The following YES1 variants were observed in gnomAD, a reference collection of about 807,000 sequenced individuals.
YES1 encodes YES proto-oncogene 1, Src family tyrosine kinase.
YES1 carries 39 observed loss-of-function variants against 70.4 expected under a neutral mutation model. That is an observed-to-expected ratio of 0.55 (90% CI 0.43 to 0.72). YES1 has a LOEUF of 0.72. Ranked by LOEUF, YES1 falls within the 30% of genes least tolerant of loss-of-function variation. The pLI is 0.00. For missense variants in YES1, 495 were observed against 644.8 expected, an observed-to-expected ratio of 0.77 and a Z score of 2.52; for synonymous variants, 198 against 218.6, an observed-to-expected ratio of 0.91 and a Z score of 0.83.
intron 1 of YES1, among the ~76,000 whole-genome samples, chr18:772,832 T>G (rs555625333): frequency 7.9e-5 from 12 of 152,372 alleles, no homozygotes; most frequent in African/African-American, 2.9e-4. Flanking sequence ...CTCATAATTT[T>G]TATTCATTTG....
At chr18:744,908 C>T (rs1413878306) in intron 6 of YES1, among the ~76,000 whole-genome samples, 1 of 151,966 alleles carries the variant, frequency 6.6e-6, no homozygotes, top group Non-Finnish European at 1.5e-5. Flanking sequence ...TCTGCTTATA[C>T]AATCTTTCTT....
chr18:749,085 T>TGGGAGG (rs1000394720), intron 3 of YES1, among the ~76,000 whole-genome samples: 6 of 152,084 alleles, frequency 3.9e-5, no homozygotes, highest in African/African-American at 1.4e-4. Context: ...CGCTTGAACC[T>TGGGAGG]GGGAGGTGGA....
intron 1 of YES1, among the ~76,000 whole-genome samples, chr18:792,904 A>G (rs1475866542): frequency 6.6e-6 from 1 of 152,142 alleles, no homozygotes; most frequent in African/African-American, 2.4e-5. Flanking sequence ...CTACTTTTTA[A>G]TAACTCTCAT....
At chr18:765,036 T>C (rs1188726631) in intron 1 of YES1, among the ~76,000 whole-genome samples, 1 of 151,518 alleles carries the variant, frequency 6.6e-6, no homozygotes, top group Admixed American at 6.6e-5. Flanking sequence ...GCCCGGCTTA[T>C]CTGAATCTTT....
chr18:812,445 C>T (rs1907462409), upstream of YES1: 1 of 152,166 alleles, frequency 6.6e-6, no homozygotes, highest in Non-Finnish European at 1.5e-5. Flanking sequence ...CCGGGGCCCC[C>T]AGCCTTCCGG....
rs967511295 is a variant in YES1 at position 723,057 on chromosome 18, A to G, written c.*1367T>C. On this transcript the variant is annotated 3_prime_UTR_variant, in exon 12 of 12. Transcript: ENST00000314574. Reference sequence around the variant, plus strand: ...CAGTGAGCCGAGATCGCGCCACTGCACTCCAGCCTGGGCGACAGAGCGAGA... The same window carrying G: ...CAGTGAGCCGAGATCGCGCCACTGCGCTCCAGCCTGGGCGACAGAGCGAGA... The G allele has an allele frequency of 6.6e-5, 10 of 152,182 alleles. No homozygotes were observed. The highest frequency in any genetic ancestry group is 2.2e-4 in the African/African-American group (9 of 41,458). The allele number at this position is 152,182 out of a possible 1,614,324, so 9.4% of individuals were successfully genotyped here. A position where few individuals can be genotyped will look rare whatever the true frequency, so the allele number is the denominator to read the frequency against.
intron 1 of YES1, among the ~76,000 whole-genome samples, chr18:803,689 T>C (rs1906940104): frequency 6.6e-6 from 1 of 152,120 alleles, no homozygotes; most frequent in Non-Finnish European, 1.5e-5. Flanking sequence ...AAAACAGTGA[T>C]TTTTAAATAG....
rs142393410 is a variant in YES1, at chr18:741,306, C to T, written c.1061-1495G>A. Among the ~76,000 whole-genome samples, 301 of 151,042 alleles carry T rather than the reference C, an allele frequency of 2.0e-3. 3 individuals are homozygous for T. The highest frequency in any genetic ancestry group is 5.3e-3 in the Admixed American group (81 of 15,144). ...CACCCCAGATGGGAGTGCAGTGGCA[C>T]AATCACAGCTCACTATGGCCTTAAC... On this transcript the variant is annotated intron_variant, in intron 8 of 11. Coordinates refer to ENST00000314574, the MANE Select transcript of YES1 (RefSeq NM_005433.4).
At chr18:802,621 A>G (rs1357359903) in intron 1 of YES1, among the ~76,000 whole-genome samples, 2 of 152,166 alleles carry the variant, frequency 1.3e-5, no homozygotes, top group Non-Finnish European at 2.9e-5. Context: ...AGAAGAAAAA[A>G]GACAAGAAAT....
chr18:741,706 G>A (rs1182632768), intron 8 of YES1, among the ~76,000 whole-genome samples: 1 of 152,172 alleles, frequency 6.6e-6, no homozygotes. Flanking sequence ...AGGAGGCTGA[G>A]ATGAGAGGAT....
intron 1 of YES1, among the ~76,000 whole-genome samples, chr18:788,410 C>A (rs1216548628): frequency 6.6e-6 from 1 of 152,088 alleles, no homozygotes; most frequent in Non-Finnish European, 1.5e-5. Context: ...ACTATTTCAA[C>A]CCTAAAATCA....
chr18:752,690 C>G (rs1354160562), intron 2 of YES1, among the ~76,000 whole-genome samples: 1 of 152,148 alleles, frequency 6.6e-6, no homozygotes, highest in Non-Finnish European at 1.5e-5. Context: ...CGTCTGTAAT[C>G]TCAGCACTTT....
intron 1 of YES1, among the ~76,000 whole-genome samples, chr18:763,138 T>A (rs1053230270): frequency 2.6e-5 from 4 of 152,154 alleles, no homozygotes; most frequent in African/African-American, 9.7e-5. Context: ...AATTTCTCTG[T>A]TCCAAGAGTG....
At chr18:729,839 C>A (rs186987790) in intron 11 of YES1, among the ~76,000 whole-genome samples, 1 of 152,188 alleles carries the variant, frequency 6.6e-6, no homozygotes, top group East Asian at 1.9e-4. Context: ...CTTGGCCAGG[C>A]TGGTCTCAAA....
intron 1 of YES1, among the ~76,000 whole-genome samples, chr18:795,859 A>G (rs960110540): frequency 1.6e-4 from 24 of 151,668 alleles, no homozygotes; most frequent in Admixed American, 6.6e-5. Context: ...ACCATGGCAC[A>G]TGTGTACCCA....
chr18:768,778 C>T (rs980084305), intron 1 of YES1, among the ~76,000 whole-genome samples: 6 of 151,902 alleles, frequency 3.9e-5, no homozygotes, highest in Non-Finnish European at 7.4e-5. Flanking sequence ...TCTCGGCTCA[C>T]TGCAACCTCC....
intron 11 of YES1, among the ~76,000 whole-genome samples, chr18:731,896 G>A (rs185071703): frequency 6.6e-6 from 1 of 150,610 alleles, no homozygotes; most frequent in East Asian, 2.0e-4. Context: ...GAAGCTGGGA[G>A]GTGGAGGCTG....
Position 739,886 on chromosome 18 carries a change from C to T in YES1, c.1061-75G>A. On this transcript the variant is annotated intron_variant, in intron 8 of 11. Coordinates refer to ENST00000314574, the MANE Select transcript of YES1 (RefSeq NM_005433.4). ...GGATTGAAATGAATACTCCTCCACC[C>T]CAAATCACAACACAAAACTTCTTAG... The T allele has an allele frequency of 3.6e-6, 4 of 1,114,020 alleles. 1 individual carries two copies. In the South Asian group the frequency reaches 6.5e-5, roughly 18 times the overall value. The allele number at this position is 1,114,020 out of a possible 1,614,324, so 69.0% of individuals were successfully genotyped here.
chr18:739,918 A>AT (rs3840903), intron 8 of YES1, 107 bp from the exon 9 acceptor site: 12 of 762,030 alleles, frequency 1.6e-5, no homozygotes, highest in Non-Finnish European at 2.0e-5. Context: ...TTAGCTTTTC[A>AT]TTTTTTTTAA....
Sources: allele counts gnomAD v4.1 joint callset (sites outside exome capture counted in the v4.1 genomes callset), GRCh38; gene constraint gnomAD v4.1.1; transcripts MANE v1.5; gene names NCBI Gene and HGNC (gene_info 2026-07-23, HGNC 2026-07-21).